DSTYK: variants seen among roughly 807,000 people sequenced by gnomAD.
DSTYK encodes RIP-homologous kinase.
In DSTYK, 34 loss-of-function variants were observed where a neutral mutation model predicts 98.7. The observed-to-expected ratio is 0.34, with a 90% CI of 0.26 to 0.46. DSTYK has a LOEUF of 0.46. Ranked by LOEUF, DSTYK falls within the 20% of genes least tolerant of loss-of-function variation. The probability of loss-of-function intolerance (pLI) is 1.00; values close to 1 mark genes in which losing one functional copy is unlikely to be tolerated. For synonymous variants in DSTYK, 462 were observed against 457.3 expected, an observed-to-expected ratio of 1.01 and a Z score of -0.13; for missense variants, 962 against 1,181.7, an observed-to-expected ratio of 0.81 and a Z score of 2.73.
rs1659374543 is a variant in DSTYK at position 205,211,382 on chromosome 1, A to G, written c.154T>C (p.Phe52Leu). 1 of 1,612,592 alleles carries G rather than the reference A, an allele frequency of 6.2e-7. No individual in the cohort carries two copies. The highest frequency in any genetic ancestry group is 8.5e-7 in the Non-Finnish European group (1 of 1,179,532). ...TTGTGGGAGCACTTGATGTCGCGGA[A>G]GAACTTCTGGGTCTCGCGCAGGTTC... is the stretch of plus-strand genomic sequence containing the variant. ...RQNLRETQKF[F>L]RDIKCSHNHT... Residue 52 changes from phenylalanine to leucine, a missense_variant, in exon 1 of 13, where the codon TTC becomes CTC. This residue lies in a region of DSTYK where 168 missense variants were observed against 120.0 expected (regional missense o/e 1.40). Transcript: ENST00000367162.
In DSTYK at chr1:205,150,816, A is replaced by G; in HGVS notation, c.2353-22T>C. The stretch of plus-strand genomic sequence containing the variant: ...CCAGCTGCCAACAAAGCAGGGCAAG[A>G]GTCACCTTGTTTCTGATCCTGCACA... On this transcript the variant is annotated intron_variant, in intron 10 of 12. Coordinates refer to ENST00000367162, the MANE Select transcript of DSTYK (RefSeq NM_015375.3). The surrounding 1 kb of genome is among the most constrained non-coding windows in gnomAD (Gnocchi z 4.1). 1.2e-6 allele frequency: 2 copies of G among 1,600,038 alleles called. No homozygotes were observed. The highest frequency in any genetic ancestry group is 1.7e-6 in the Non-Finnish European group (2 of 1,167,294).
At chr1:205,162,474 G>C (rs1378643441) in intron 5 of DSTYK, among the ~76,000 whole-genome samples, 1 of 152,176 alleles carries the variant, frequency 6.6e-6, no homozygotes, top group East Asian at 1.9e-4. Context: ...GGGAGTGCCT[G>C]ATAATCTTTC....
intron 1 of DSTYK, among the ~76,000 whole-genome samples, chr1:205,211,043 G>A (rs577630428): frequency 1.4e-3 from 220 of 152,306 alleles, no homozygotes; most frequent in Non-Finnish European, 2.7e-3. Context: ...GCCCTCGGTT[G>A]CCCCTGGCTC....
intron 1 of DSTYK, among the ~76,000 whole-genome samples, chr1:205,206,974 G>A (rs980028924): frequency 6.6e-6 from 1 of 152,070 alleles, no homozygotes; most frequent in African/African-American, 2.4e-5. Flanking sequence ...CAGCACAGTT[G>A]TGATTTGTCC....
chr1:205,208,995 C>G (rs923530862), intron 1 of DSTYK, among the ~76,000 whole-genome samples: 7 of 152,218 alleles, frequency 4.6e-5, no homozygotes, highest in Non-Finnish European at 7.3e-5. Flanking sequence ...CCATCTGCAC[C>G]CTCCCAGGTT....
chr1:205,195,984 C>T (rs1658853710), intron 1 of DSTYK, among the ~76,000 whole-genome samples: 1 of 152,136 alleles, frequency 6.6e-6, no homozygotes, highest in Admixed American at 6.5e-5. Context: ...TTACAGAGGG[C>T]TTAGTTTCTG....
Position 205,161,304 on chromosome 1 carries a change from G to A in DSTYK, c.1902C>T (p.Ala634=). The A allele has an allele frequency of 4.3e-6, 7 of 1,614,074 alleles. No individual in the cohort carries two copies. Among genetic ancestry groups the A allele is most frequent in the Non-Finnish European group, 5.9e-6 (7 of 1,179,974 alleles). The part of the protein sequence containing the change: ...RVRKDHAPRL[A]RLSLESCSLQ... ...AAGAACAGCTTTCCAGAGAAAGGCG[G>A]GCCAGGCGGGGAGCATGATCTTTCC... is the stretch of plus-strand genomic sequence containing the variant. Residue 634 remains alanine (A), a synonymous_variant, in exon 7 of 13, where the codon GCC becomes GCT. Coordinates refer to ENST00000367162, the MANE Select transcript of DSTYK (RefSeq NM_015375.3).
chr1:205,211,630 G>T lies in DSTYK; in HGVS notation c.-95C>A, dbSNP rs1659391377. On this transcript the variant is annotated 5_prime_UTR_variant, in exon 1 of 13. Coordinates refer to ENST00000367162, the MANE Select transcript of DSTYK (RefSeq NM_015375.3). ...CCAGTGCCGAAGGGAGGAGGAATCCGCCTCCTGACGCCCCCGCCTGCAGTC... is the reference window on the plus strand; with the variant it reads ...CCAGTGCCGAAGGGAGGAGGAATCCTCCTCCTGACGCCCCCGCCTGCAGTC... 3 of 1,374,654 alleles carry T rather than the reference G, an allele frequency of 2.2e-6. No homozygotes were observed. The highest frequency in any genetic ancestry group is 3.2e-5 in the South Asian group (2 of 63,006). 85.2% of individuals were successfully genotyped at this position (1,374,654 alleles called of 1,614,324 possible).
In DSTYK at chr1:205,150,920, G is replaced by C. The variant is rs1268522260; in HGVS notation, c.2353-126C>G. On this transcript the variant is annotated intron_variant, in intron 10 of 12. Transcript: ENST00000367162. The surrounding 1 kb of genome is among the most constrained non-coding windows in gnomAD (Gnocchi z 4.1). ...GGATAGGATTATGCTCTGAAAATGA[G>C]TTGTCAGGTGATTTCATCCTTGTAC... is the stretch of plus-strand genomic sequence containing the variant. The C allele has an allele frequency of 9.3e-6, 7 of 754,980 alleles. No individual in the cohort carries two copies. The highest frequency in any genetic ancestry group is 1.6e-5 in the Non-Finnish European group (7 of 439,804). 46.8% of individuals were successfully genotyped at this position (754,980 alleles called of 1,614,324 possible).
intron 1 of DSTYK, among the ~76,000 whole-genome samples, chr1:205,210,346 T>C (rs1271855392): frequency 6.6e-6 from 1 of 152,112 alleles, no homozygotes; most frequent in Non-Finnish European, 1.5e-5. Context: ...AGTTTGAGAA[T>C]CACTAAATTA....
Position 205,143,045 on chromosome 1 carries a change from G to A in DSTYK, c.*4513C>T, listed in dbSNP as rs1657119160. On this transcript the variant is annotated 3_prime_UTR_variant, in exon 13 of 13. Transcript: ENST00000367162. ...TACTGGAAACCTCCAGGAGAGTTTG[G>A]AATACAAGTGTCTCAAGGCCACTCC... is the stretch of plus-strand genomic sequence containing the variant. 6.6e-6 allele frequency: 1 copy of A among 152,092 alleles called. No homozygotes were observed. Among genetic ancestry groups the A allele is most frequent in the African/African-American group, 2.4e-5 (1 of 41,426 alleles). 9.4% of individuals were successfully genotyped at this position (152,092 alleles called of 1,614,324 possible).
At chr1:205,171,383 G>A (rs569897825) in intron 2 of DSTYK, among the ~76,000 whole-genome samples, 3 of 151,512 alleles carry the variant, frequency 2.0e-5, no homozygotes, top group East Asian at 1.9e-4. Context: ...CCCAGGAGGC[G>A]GAGGTTGCAG....
Position 205,149,753 on chromosome 1 carries a change from CACA to C in DSTYK, c.2467+924_2467+926del, listed in dbSNP as rs141865509. Reference sequence around the variant, plus strand: ...AAGCTCAGTAGCTCCTTAAGTCTTGCACAACAAGCCTTGATTCTTCTGTGGGAA... The same window carrying C: ...AAGCTCAGTAGCTCCTTAAGTCTTGCACAAGCCTTGATTCTTCTGTGGGAA... On this transcript the variant is annotated intron_variant, in intron 11 of 12. Transcript: ENST00000367162. Among the ~76,000 whole-genome samples, 1,315 of 152,298 alleles carry C rather than the reference CACA, an allele frequency of 8.6e-3. 22 individuals carry two copies. The highest frequency in any genetic ancestry group is 0.03 in the African/African-American group (1,259 of 41,548).
chr1:205,195,434 C>T (rs1021656938), intron 1 of DSTYK, among the ~76,000 whole-genome samples: 1 of 152,160 alleles, frequency 6.6e-6, no homozygotes, highest in Non-Finnish European at 1.5e-5. Context: ...AAAATTCAGT[C>T]TAGAAATATT....
At chr1:205,155,615 G>T (rs988047195) in intron 10 of DSTYK, among the ~76,000 whole-genome samples, 1 of 150,834 alleles carries the variant, frequency 6.6e-6, no homozygotes, top group Admixed American at 6.6e-5. Context: ...TTGAGATTGC[G>T]CCACTGCACT....
chr1:205,163,954 G>A lies in DSTYK; in HGVS notation c.1326C>T (p.Asp442=), dbSNP rs372309264. 1.7e-5 allele frequency: 27 copies of A among 1,613,244 alleles called. No homozygotes were observed. Among genetic ancestry groups the A allele is most frequent in the Middle Eastern group, 1.6e-4 (1 of 6,082 alleles). Residue 442 remains aspartate, a splice_region_variant and synonymous_variant, in exon 4 of 13, where the codon GAC becomes GAT. Coordinates refer to ENST00000367162, the MANE Select transcript of DSTYK (RefSeq NM_015375.3). ...LDDATNMEFK[D]VIVPENGEPV... ...GTTCTCCATTCTCAGGGACAATGAC[G>A]TCTATGGAGGCAGAGAAATAAGCTG... is the stretch of plus-strand genomic sequence containing the variant.
At chr1:205,187,278 G>T in intron 2 of DSTYK, 140 bp downstream of exon 2, 1 of 999,904 alleles carries the variant, frequency 1.0e-6, no homozygotes, top group Non-Finnish European at 1.4e-6. Context: ...CAACTTCCCA[G>T]ATTATGTTCC....
intron 2 of DSTYK, among the ~76,000 whole-genome samples, chr1:205,185,481 G>A (rs527641954): frequency 2.5e-4 from 38 of 152,234 alleles, no homozygotes; most frequent in African/African-American, 7.9e-4. Flanking sequence ...CCCAGTAGCT[G>A]GGACTACAAG....
At chr1:205,182,428 C>A (rs1288470680) in intron 2 of DSTYK, among the ~76,000 whole-genome samples, 1 of 140,296 alleles carries the variant, frequency 7.1e-6, no homozygotes, top group Non-Finnish European at 1.5e-5. Context: ...AACAAAAAAA[C>A]AGATTAGCTA....
Sources: gnomAD v4.1 joint callset for allele counts (sites outside exome capture counted in the v4.1 genomes callset) on GRCh38, gnomAD v4.1.1 for gene constraint, gnomAD v4.1.1 regional missense constraint, Gnocchi (gnomAD v3.1) non-coding constraint, MANE v1.5 for transcripts, NCBI Gene and HGNC (gene_info 2026-07-23, HGNC 2026-07-21) for gene names.